Variants in FGFRL1 observed in about 807,000 individuals in gnomAD.
FGFRL1 encodes fibroblast growth factor receptor like 1, also known as fibroblast growth factor receptor-like 1.
A neutral mutation model predicts 36.8 loss-of-function variants in FGFRL1; 24 were observed. That is an observed-to-expected ratio of 0.65 (90% CI 0.47 to 0.92). FGFRL1 has a LOEUF of 0.92. FGFRL1 is among the 40% of genes least tolerant of loss of function. FGFRL1 has a pLI of 0.00. For missense variants in FGFRL1, 785 were observed against 753.4 expected (o/e 1.04, Z -0.49); for synonymous variants, 422 against 344.1 (o/e 1.23, Z -2.50).
chr4:1,012,938 G>A (rs1026367296), intron 2 of FGFRL1, among the ~76,000 whole-genome samples: 1 of 152,224 alleles, frequency 6.6e-6, no homozygotes, highest in Non-Finnish European at 1.5e-5. Flanking sequence ...GACCCGATAA[G>A]GACTCTGGGA....
rs185917138 is a variant in FGFRL1 at position 1,022,150 on chromosome 4, G to A, written c.80-53G>A. The A allele has an allele frequency of 3.7e-4, 515 of 1,399,912 alleles. No homozygotes were observed. The highest frequency in any genetic ancestry group is 4.3e-4 in the Non-Finnish European group (459 of 1,055,356). 86.7% of individuals were successfully genotyped at this position (1,399,912 alleles called of 1,614,324 possible). A position where few individuals can be genotyped will look rare whatever the true frequency, so the allele number is the denominator to read the frequency against. On this transcript the variant is annotated intron_variant, in intron 2 of 6. Coordinates refer to ENST00000510644, the MANE Select transcript of FGFRL1 (RefSeq NM_001004356.3). Reference sequence around the variant, plus strand: ...TGGGTCCCCTTTTGACCGCCCCCCCGGCTCCGGACCCCAAGCCCCTCCTCG... The same window carrying A: ...TGGGTCCCCTTTTGACCGCCCCCCCAGCTCCGGACCCCAAGCCCCTCCTCG...
chr4:1,014,935 C>T (rs1715809904), intron 2 of FGFRL1, among the ~76,000 whole-genome samples: 2 of 152,342 alleles, frequency 1.3e-5, no homozygotes, highest in Admixed American at 6.5e-5. Context: ...ACCGCAGACT[C>T]CTTTATCCAT....
In FGFRL1 at chr4:1,011,837, G is replaced by A. The variant is rs1459930718; in HGVS notation, c.-134G>A. 7.0e-6 allele frequency: 1 copy of A among 142,946 alleles called. No individual in the cohort carries two copies. Among genetic ancestry groups the A allele is most frequent in the Non-Finnish European group, 1.5e-5 (1 of 64,830 alleles). The allele number at this position is 142,946 out of a possible 1,614,324, so 8.9% of individuals were successfully genotyped here. A position where few individuals can be genotyped will look rare whatever the true frequency, so the allele number is the denominator to read the frequency against. On this transcript the variant is annotated 5_prime_UTR_variant, in exon 1 of 7. Coordinates refer to ENST00000510644, the MANE Select transcript of FGFRL1 (RefSeq NM_001004356.3). Reference sequence around the variant, plus strand: ...CCCAGGTAGCGCCGCCCCGCCCCGAGACCGGGCCCGGGGGCGCGGGGCGGC... The same window carrying A: ...CCCAGGTAGCGCCGCCCCGCCCCGAAACCGGGCCCGGGGGCGCGGGGCGGC...
rs755606953 is a variant in FGFRL1 at position 1,022,240 on chromosome 4, G to C, written c.117G>C (p.Gln39His). Residue 39 changes from glutamine to histidine, a missense_variant, in exon 3 of 7, where the codon CAG (glutamine) becomes CAC (histidine). By Grantham distance (24) the Gln-to-His change is conservative (BLOSUM62 0). Coordinates refer to ENST00000510644, the MANE Select transcript of FGFRL1 (RefSeq NM_001004356.3). ...TGGCGGACAAGGTGGTCCCACGGCA[G>C]GTGGCCCGGCTGGGCCGCACTGTGC... ...PKMADKVVPR[Q>H]VARLGRTVRL... 8 of 1,556,734 alleles carry C rather than the reference G, an allele frequency of 5.1e-6. No individual in the cohort carries two copies. In the African/African-American group the frequency reaches 8.2e-5, roughly 16 times the overall value.
rs762223132 is a variant in FGFRL1, at chr4:1,023,684, C to T, written c.396C>T (p.Ser132=). 2.5e-6 allele frequency: 4 copies of T among 1,601,676 alleles called. No homozygotes were observed. In the East Asian group the frequency reaches 9.0e-5, roughly 36 times the overall value. ...PGKESLGPDS[S]SGGQEDPASQ... ...AGGAGAGCCTGGGGCCCGACAGCTC[C>T]TCTGGGGGTCAAGAGGACCCCGCCA... The change falls in exon 4 of 7, where the codon TCC becomes TCT. Residue 132 remains serine, a synonymous_variant. Transcript: ENST00000510644. The surrounding 1 kb of genome is among the most constrained non-coding windows in gnomAD (Gnocchi z 6.0).
upstream of FGFRL1, among the ~76,000 whole-genome samples, chr4:1,010,663 G>A (rs543556883): frequency 7.9e-5 from 12 of 152,308 alleles, no homozygotes; most frequent in African/African-American, 2.9e-4. Context: ...AGGCCGTGAG[G>A]TTTGTGTTGC....
At chr4:1,019,898 T>A (rs1716082434) in intron 2 of FGFRL1, among the ~76,000 whole-genome samples, 1 of 152,208 alleles carries the variant, frequency 6.6e-6, no homozygotes, top group Non-Finnish European at 1.5e-5. Flanking sequence ...CTCCAGAGCC[T>A]CAGCCCACCC....
In FGFRL1 at chr4:1,023,817, C is replaced by A; in HGVS notation, c.434C>A (p.Ala145Glu). The change falls in exon 5 of 7, where the codon GCA becomes GAA. Residue 145 changes from alanine to glutamate, a missense_variant and splice_region_variant. Transcript: ENST00000510644. This position sits in a 1 kb window ranked among gnomAD's most constrained non-coding sequence, Gnocchi z 6.0. ...GQEDPASQQW[A>E]RPRFTQPSKM... is the part of the protein sequence containing the mutation. ...ACCTCCACGCCACCCCACCCCGCAGCACGACCGCGCTTCACACAGCCCTCC... is the reference window on the plus strand; with the variant it reads ...ACCTCCACGCCACCCCACCCCGCAGAACGACCGCGCTTCACACAGCCCTCC... 1 of 1,576,060 alleles carries A rather than the reference C, an allele frequency of 6.3e-7. No individual in the cohort carries two copies. The highest frequency in any genetic ancestry group is 8.6e-7 in the Non-Finnish European group (1 of 1,160,862).
chr4:1,026,461 C>T lies in FGFRL1; in HGVS notation c.*1114C>T, dbSNP rs530339594. The stretch of plus-strand genomic sequence containing the variant: ...CCGCCTCAGTCCCCGCCTCCATCCC[C>T]GCCTCTGTCCCCTGGCCTTGGCGGC... On this transcript the variant is annotated 3_prime_UTR_variant, in exon 7 of 7. Transcript: ENST00000510644. 41 of 165,258 alleles carry T rather than the reference C, an allele frequency of 2.5e-4. No individual in the cohort carries two copies. Among genetic ancestry groups the T allele is most frequent in the Admixed American group, 5.8e-4 (9 of 15,448 alleles). 10.2% of individuals were successfully genotyped at this position (165,258 alleles called of 1,614,324 possible).
chr4:1,011,905 C>G lies in FGFRL1; in HGVS notation c.-66C>G, dbSNP rs1460839069. 5 of 145,468 alleles carry G rather than the reference C, an allele frequency of 3.4e-5. No individual in the cohort carries two copies. In the East Asian group the frequency reaches 8.1e-4, roughly 24 times the overall value. The allele number at this position is 145,468 out of a possible 1,614,324, so 9.0% of individuals were successfully genotyped here. ...GCGGCGATGACCGCGGAGCGCACGC[C>G]GCGGGCCCGGCCCTGACCCCGCCGC... On this transcript the variant is annotated 5_prime_UTR_variant, in exon 1 of 7. Transcript: ENST00000510644.
At chr4:1,024,231 G>GA in intron 5 of FGFRL1, 80 bp from the exon 6 acceptor site, 1 of 1,443,944 alleles carries the variant, frequency 6.9e-7, no homozygotes, top group East Asian at 2.6e-5. Context: ...GTGGGCTGGG[G>GA]GTGCTGGTGG....
chr4:1,021,479 G>C (rs1716176779), intron 2 of FGFRL1, among the ~76,000 whole-genome samples: 1 of 152,120 alleles, frequency 6.6e-6, no homozygotes, highest in African/African-American at 2.4e-5. Context: ...GCCCCCTCAA[G>C]GCTAAGGTGC....
Position 1,025,912 on chromosome 4 carries a change from A to T in FGFRL1, c.*565A>T, listed in dbSNP as rs924488700. ...GCACAGATATGCTGTCTGGACACGCACACACATGCAGATATGCTGCCTGGA... is the reference window on the plus strand; with the variant it reads ...GCACAGATATGCTGTCTGGACACGCTCACACATGCAGATATGCTGCCTGGA... On this transcript the variant is annotated 3_prime_UTR_variant, in exon 7 of 7. Transcript: ENST00000510644. 1 of 165,868 alleles carries T rather than the reference A, an allele frequency of 6.0e-6. No homozygotes were observed. Among genetic ancestry groups the T allele is most frequent in the South Asian group, 1.6e-4 (1 of 6,214 alleles). The allele number at this position is 165,868 out of a possible 1,614,324, so 10.3% of individuals were successfully genotyped here.
intron 5 of FGFRL1, 76 bp from the exon 6 acceptor site, chr4:1,024,235 C>A: frequency 6.9e-7 from 1 of 1,457,162 alleles, no homozygotes; most frequent in Non-Finnish European, 9.1e-7. Context: ...GCTGGGGGTG[C>A]TGGTGGGCCC....
chr4:1,012,025 G>T (rs1185740687), intron 1 of FGFRL1, 71 bp downstream of exon 1: 4 of 146,604 alleles, frequency 2.7e-5, no homozygotes, highest in Admixed American at 1.3e-4. Flanking sequence ...CGGGGCGGGG[G>T]CGGGGAGGGG....
chr4:1,010,645 A>G (rs1345516682), upstream of FGFRL1, among the ~76,000 whole-genome samples: 6 of 151,956 alleles, frequency 3.9e-5, no homozygotes, highest in Admixed American at 3.9e-4. Flanking sequence ...GTGAGGCGGG[A>G]TGTGGGCAGG....
At position 1,026,890 on chromosome 4, in the gene FGFRL1, T is replaced by TTCCC; in HGVS notation, c.*1547_*1550dup. The TTCCC allele has an allele frequency of 2.2e-6, 1 of 449,486 alleles. No individual in the cohort carries two copies. The highest frequency in any genetic ancestry group is 1.6e-5 in the South Asian group (1 of 62,944). 27.8% of individuals were successfully genotyped at this position (449,486 alleles called of 1,614,324 possible). On this transcript the variant is annotated 3_prime_UTR_variant, in exon 7 of 7. Coordinates refer to ENST00000510644, the MANE Select transcript of FGFRL1 (RefSeq NM_001004356.3). ...TTTGTTAAACATGAAAGTGCATCCT[T>TTCCC]TCCCTCCAGGCTGGTGTTTCTGCCC...
Position 1,025,257 on chromosome 4 carries a change from C to T in FGFRL1, c.1425C>T (p.Tyr475=), listed in dbSNP as rs1321200974. The part of the protein sequence containing the change: ...VAGPKLYPKL[Y]TDIHTHTHTH... The stretch of plus-strand genomic sequence containing the variant: ...GCCCTAAGTTGTACCCCAAACTCTA[C>T]ACAGACATCCACACACACACACACA... The change falls in exon 7 of 7, where the codon TAC becomes TAT. Residue 475 remains tyrosine (Y), a synonymous_variant. Coordinates refer to ENST00000510644, the MANE Select transcript of FGFRL1 (RefSeq NM_001004356.3). 3.1e-6 allele frequency: 5 copies of T among 1,602,144 alleles called. No individual in the cohort carries two copies. Among genetic ancestry groups the T allele is most frequent in the Non-Finnish European group, 4.3e-6 (5 of 1,174,706 alleles).
chr4:1,025,585 A>G lies in FGFRL1; in HGVS notation c.*238A>G, dbSNP rs772827102. On this transcript the variant is annotated 3_prime_UTR_variant, in exon 7 of 7. Transcript: ENST00000510644. ...GTGCTCCCTGAAGGCACACGTACGC[A>G]CACACGCACATGCACAGATATGCCG... 28 of 438,592 alleles carry G rather than the reference A, an allele frequency of 6.4e-5. No individual in the cohort carries two copies. Among genetic ancestry groups the G allele is most frequent in the Non-Finnish European group, 8.9e-5 (22 of 247,380 alleles). The allele number at this position is 438,592 out of a possible 1,614,324, so 27.2% of individuals were successfully genotyped here. A position where few individuals can be genotyped will look rare whatever the true frequency, so the allele number is the denominator to read the frequency against.
Sources: allele counts gnomAD v4.1 joint callset (sites outside exome capture counted in the v4.1 genomes callset), GRCh38; gene constraint gnomAD v4.1.1; non-coding constraint Gnocchi (gnomAD v3.1); transcripts MANE v1.5; gene names NCBI Gene and HGNC (gene_info 2026-07-23, HGNC 2026-07-21).